GRID1: variants seen among roughly 807,000 people sequenced by gnomAD.
GRID1 encodes the protein glutamate ionotropic receptor delta type subunit 1.
In GRID1, 28 loss-of-function variants were observed where a neutral mutation model predicts 98.0. That is an observed-to-expected ratio of 0.29 (90% CI 0.21 to 0.39). GRID1 has a LOEUF of 0.39. GRID1 is among the 10% of genes least tolerant of loss of function. GRID1 has a pLI of 1.00. For synonymous variants in GRID1, 553 were observed against 538.5 expected, an observed-to-expected ratio of 1.03 and a Z score of -0.37; for missense variants, 1,111 against 1,340.5, an observed-to-expected ratio of 0.83 and a Z score of 2.67.
At chr10:85,663,895 C>T (rs1840992453) in intron 12 of GRID1, among the ~76,000 whole-genome samples, 1 of 152,144 alleles carries the variant, frequency 6.6e-6, no homozygotes, top group African/African-American at 2.4e-5. Flanking sequence ...AATGCCCAGC[C>T]CAATCCAGGT....
chr10:86,031,394 A>G (rs530718171), intron 4 of GRID1, among the ~76,000 whole-genome samples: 10 of 152,238 alleles, frequency 6.6e-5, no homozygotes, highest in Non-Finnish European at 1.3e-4. Context: ...AACAATAAAC[A>G]CTGTGGACTT....
At chr10:86,173,616 G>A (rs1255762784) in intron 3 of GRID1, among the ~76,000 whole-genome samples, 2 of 149,546 alleles carry the variant, frequency 1.3e-5, no homozygotes, top group Non-Finnish European at 3.0e-5. Flanking sequence ...GGGTACATGT[G>A]CACAATGTGC....
intron 2 of GRID1, among the ~76,000 whole-genome samples, chr10:86,342,135 G>C (rs532361781): frequency 6.6e-6 from 1 of 152,140 alleles, no homozygotes; most frequent in Non-Finnish European, 1.5e-5. Context: ...CCACACTGTT[G>C]AAGGACCCTC....
At chr10:86,334,188 A>T (rs1848192180) in intron 2 of GRID1, among the ~76,000 whole-genome samples, 1 of 152,178 alleles carries the variant, frequency 6.6e-6, no homozygotes, top group Non-Finnish European at 1.5e-5. Flanking sequence ...TGCCTGCCTT[A>T]AACTGCTTTG....
intron 12 of GRID1, among the ~76,000 whole-genome samples, chr10:85,651,087 G>T (rs529016806): frequency 6.6e-6 from 1 of 152,168 alleles, no homozygotes; most frequent in Non-Finnish European, 1.5e-5. Context: ...AACCCTCCAG[G>T]TGATTCTGAT....
chr10:85,706,818 A>G (rs1047538905), intron 12 of GRID1, among the ~76,000 whole-genome samples: 31 of 152,328 alleles, frequency 2.0e-4, no homozygotes, highest in African/African-American at 6.7e-4. Context: ...CATATCTACA[A>G]CTGTCTGATC....
At chr10:86,188,289 C>T (rs1390472474) in intron 3 of GRID1, among the ~76,000 whole-genome samples, 2 of 152,236 alleles carry the variant, frequency 1.3e-5, no homozygotes, top group Non-Finnish European at 2.9e-5. Context: ...CTAGAATGCC[C>T]GTTCAGCTAT....
Position 85,719,428 on chromosome 10 carries a change from C to CA in GRID1, c.1997+3574dup, listed in dbSNP as rs559767613. Among the ~76,000 whole-genome samples, 400 of 151,220 alleles carry CA rather than the reference C, an allele frequency of 2.6e-3. 2 individuals are homozygous for CA. The highest frequency in any genetic ancestry group is 9.0e-3 in the African/African-American group (370 of 41,276). ...ATAAAGACATACCCAAAACTGGGAACAAAAAAAAAGTTTTAATTGGACTTA... is the reference window on the plus strand; with the variant it reads ...ATAAAGACATACCCAAAACTGGGAACAAAAAAAAAAGTTTTAATTGGACTTA... On this transcript the variant is annotated intron_variant, in intron 12 of 15. Coordinates refer to ENST00000327946, the MANE Select transcript of GRID1 (RefSeq NM_017551.3).
chr10:85,766,723 C>G (rs1055935287), intron 8 of GRID1, among the ~76,000 whole-genome samples: 3 of 128,196 alleles, frequency 2.3e-5, no homozygotes, highest in Non-Finnish European at 4.8e-5. Context: ...GTGTGAAAGG[C>G]AGATGATTGT....
chr10:85,679,894 T>C (rs2928011), intron 12 of GRID1, among the ~76,000 whole-genome samples: 98,050 of 152,050 alleles, frequency 0.64, 32,568 homozygotes, highest in African/African-American at 0.81. Context: ...TGCAGCATGA[T>C]AGAATTATGC....
chr10:86,109,079 C>T (rs1349731183), intron 4 of GRID1, among the ~76,000 whole-genome samples: 3 of 152,196 alleles, frequency 2.0e-5, no homozygotes, highest in Non-Finnish European at 4.4e-5. Context: ...CTTCTGTTCT[C>T]CTGACCCTTT....
intron 2 of GRID1, among the ~76,000 whole-genome samples, chr10:86,359,980 TTG>T (rs368276910): frequency 7.2e-5 from 11 of 152,356 alleles, no homozygotes; most frequent in African/African-American, 2.6e-4. Flanking sequence ...GGATATTTTA[TTG>T]TGTGATCCAT....
chr10:86,140,004 A>C (rs1844988498), intron 3 of GRID1, among the ~76,000 whole-genome samples: 1 of 152,222 alleles, frequency 6.6e-6, no homozygotes, highest in African/African-American at 2.4e-5. Flanking sequence ...AGAGTGAGAC[A>C]CGGTCCTGAC....
At chr10:86,278,338 A>G (rs184293585) in intron 2 of GRID1, among the ~76,000 whole-genome samples, 2,075 of 152,314 alleles carry the variant, frequency 0.014, 30 homozygotes, top group Middle Eastern at 0.041. Flanking sequence ...TAAAGGGTCA[A>G]TCCAGTGACC....
intron 13 of GRID1, among the ~76,000 whole-genome samples, chr10:85,633,187 C>T (rs1274252129): frequency 2.0e-5 from 3 of 152,298 alleles, no homozygotes; most frequent in East Asian, 3.9e-4. Flanking sequence ...GCCTCAGCCT[C>T]CCAAAGTGCT....
At chr10:85,700,765 T>C (rs952074097) in intron 12 of GRID1, among the ~76,000 whole-genome samples, 19 of 152,206 alleles carry the variant, frequency 1.2e-4, no homozygotes, top group African/African-American at 4.6e-4. Context: ...TAAAAATTGC[T>C]TAATGTAATT....
At chr10:86,097,560 A>G (rs952579768) in intron 4 of GRID1, among the ~76,000 whole-genome samples, 7 of 152,174 alleles carry the variant, frequency 4.6e-5, no homozygotes, top group Admixed American at 4.6e-4. Flanking sequence ...CTATCTATCT[A>G]TAATCTATCT....
intron 12 of GRID1, among the ~76,000 whole-genome samples, chr10:85,653,575 G>T: frequency 6.6e-6 from 1 of 152,156 alleles, no homozygotes; most frequent in East Asian, 1.9e-4. Flanking sequence ...CAGGAGCTGT[G>T]GTTAGAATAC....
intron 8 of GRID1, among the ~76,000 whole-genome samples, chr10:85,838,457 G>C (rs556343587): frequency 2.6e-3 from 393 of 152,260 alleles, no homozygotes; most frequent in Non-Finnish European, 4.5e-3. Context: ...ACTAACTACA[G>C]ACCTCTCAGC....
Sources: allele counts gnomAD v4.1 joint callset (sites outside exome capture counted in the v4.1 genomes callset), GRCh38; gene constraint gnomAD v4.1.1; transcripts MANE v1.5; gene names NCBI Gene and HGNC (gene_info 2026-07-23, HGNC 2026-07-21).